ATP2B2: variants seen among roughly 807,000 people sequenced by gnomAD.
The protein encoded by ATP2B2 is plasma membrane calcium-transporting ATPase 2.
ATP2B2 carries 15 observed loss-of-function variants against 120.0 expected under a neutral mutation model. That is an observed-to-expected ratio of 0.12 (90% CI 0.08 to 0.19). The LOEUF (loss-of-function observed/expected upper bound fraction) is 0.19, where lower values mean the gene tolerates loss of function less well. Ranked by LOEUF, ATP2B2 falls within the 10% of genes least tolerant of loss-of-function variation. ATP2B2 has a pLI of 1.00. For synonymous variants in ATP2B2, 694 were observed against 700.3 expected, an observed-to-expected ratio of 0.99 and a Z score of 0.14; for missense variants, 1,045 against 1,719.8, an observed-to-expected ratio of 0.61 and a Z score of 6.94.
At chr3:10,443,009 T>C (rs192305327) in intron 2 of ATP2B2, among the ~76,000 whole-genome samples, 35 of 152,320 alleles carry the variant, frequency 2.3e-4, no homozygotes, top group Admixed American at 2.1e-3. Context: ...GATACCAAGT[T>C]GGCCTCTTCC....
At chr3:10,684,860 T>C (rs891353847) in intron 1 of ATP2B2, among the ~76,000 whole-genome samples, 5 of 152,180 alleles carry the variant, frequency 3.3e-5, no homozygotes, top group African/African-American at 1.2e-4. Flanking sequence ...CTCGAGACAA[T>C]GATAAAATCA....
At chr3:10,501,310 G>A (rs897773920) in intron 1 of ATP2B2, among the ~76,000 whole-genome samples, 3 of 151,672 alleles carry the variant, frequency 2.0e-5, no homozygotes, top group African/African-American at 4.8e-5. Flanking sequence ...GGGTGAAGCC[G>A]AAGCCACACT....
intron 1 of ATP2B2, among the ~76,000 whole-genome samples, chr3:10,458,310 C>T (rs579308): frequency 0.52 from 78,280 of 151,956 alleles, 21,303 homozygotes; most frequent in East Asian, 0.59. Context: ...CAGAGCCCCC[C>T]AGTAACCTCA....
intron 2 of ATP2B2, among the ~76,000 whole-genome samples, chr3:10,569,154 T>C (rs1410717952): frequency 3.9e-5 from 6 of 152,196 alleles, no homozygotes; most frequent in African/African-American, 1.4e-4. Context: ...CAAGTCCTTA[T>C]GTGGCCCCAA....
At chr3:10,583,170 T>C (rs898835226) in intron 2 of ATP2B2, among the ~76,000 whole-genome samples, 6 of 152,192 alleles carry the variant, frequency 3.9e-5, no homozygotes, top group African/African-American at 1.4e-4. Flanking sequence ...GTGCAGCATC[T>C]TGAAGCCCTT....
chr3:10,424,103 G>C (rs1454039276), intron 2 of ATP2B2, among the ~76,000 whole-genome samples: 1 of 152,240 alleles, frequency 6.6e-6, no homozygotes, highest in African/African-American at 2.4e-5. Flanking sequence ...TGGGGCTGCA[G>C]ACAGGCCGGC....
chr3:10,506,128 G>A (rs1219626772), upstream of ATP2B2, among the ~76,000 whole-genome samples: 1 of 152,110 alleles, frequency 6.6e-6, no homozygotes. Flanking sequence ...GGGGCAAAGG[G>A]GCAAAGGTCG....
intron 14 of ATP2B2, among the ~76,000 whole-genome samples, chr3:10,352,975 G>A (rs868785134): frequency 3.9e-5 from 6 of 152,192 alleles, no homozygotes; most frequent in Admixed American, 2.0e-4. Context: ...CCCTAGATCC[G>A]TTCCCAGGTG....
In ATP2B2 at chr3:10,327,618, C is replaced by A. The variant is rs1374143482; in HGVS notation, c.*1196G>T. ...TCTGTACAGACAGTGCCAAAGAGAA[C>A]CTATTTTTGAAATGCTCTTAGTAAA... On this transcript the variant is annotated 3_prime_UTR_variant, in exon 23 of 23. Coordinates refer to ENST00000360273, the MANE Select transcript of ATP2B2 (RefSeq NM_001001331.4). The A allele has an allele frequency of 6.6e-6, 1 of 152,600 alleles. No individual in the cohort carries two copies. The highest frequency in any genetic ancestry group is 6.5e-5 in the Admixed American group (1 of 15,276). 9.5% of individuals were successfully genotyped at this position (152,600 alleles called of 1,614,324 possible).
chr3:10,651,969 T>A (rs920913834), intron 1 of ATP2B2, among the ~76,000 whole-genome samples: 2 of 152,178 alleles, frequency 1.3e-5, no homozygotes, highest in Admixed American at 6.5e-5. Flanking sequence ...TAGAAGAGAA[T>A]GGACTATACC....
At position 10,481,443 on chromosome 3, in the gene ATP2B2, G is replaced by A. The variant is rs544795600; in HGVS notation, c.-320+24022C>T. ...CAGTCCCCCACCTCAGGCAGTGCCC[G>A]CTCAAATGGCACCTCCTCAGAGAGC... On this transcript the variant is annotated intron_variant, in intron 1 of 22. Coordinates refer to ENST00000360273, the MANE Select transcript of ATP2B2 (RefSeq NM_001001331.4). Among the ~76,000 whole-genome samples the A allele has an allele frequency of 3.9e-5, 6 of 152,150 alleles. 1 individual carries two copies. In the South Asian group the frequency reaches 1.0e-3, roughly 26 times the overall value.
chr3:10,666,941 CACTTTAG>C (rs1261849409), intron 1 of ATP2B2, among the ~76,000 whole-genome samples: 1 of 152,226 alleles, frequency 6.6e-6, no homozygotes, highest in African/African-American at 2.4e-5. Context: ...CCAGGCTTCC[CACTTTAG>C]TGGAGTTACC....
At chr3:10,351,122 G>A (rs751588156) in intron 14 of ATP2B2, among the ~76,000 whole-genome samples, 4 of 152,146 alleles carry the variant, frequency 2.6e-5, no homozygotes, top group Non-Finnish European at 2.9e-5. Context: ...GGTAAAATAC[G>A]CCATTTCTCT....
chr3:10,683,744 A>ATG (rs1559520007), intron 1 of ATP2B2, among the ~76,000 whole-genome samples: 10 of 41,420 alleles, frequency 2.4e-4, no homozygotes, highest in African/African-American at 9.6e-4. Flanking sequence ...ATATGTGTAT[A>ATG]TATATGTGTG....
rs755893044 is a variant in ATP2B2, at chr3:10,486,116, T to G, written c.-320+19349A>C. ...ATGCTTCCATCGCACTCATACAACA[T>G]CATTCTGCTGCCCAGGAGGCTTTGT... On this transcript the variant is annotated intron_variant, in intron 1 of 22. Coordinates refer to ENST00000360273, the MANE Select transcript of ATP2B2 (RefSeq NM_001001331.4). Among the ~76,000 whole-genome samples the G allele has an allele frequency of 1.2e-4, 18 of 152,094 alleles. 1 individual carries two copies. Among genetic ancestry groups the G allele is most frequent in the South Asian group, 4.1e-4 (2 of 4,830 alleles).
chr3:10,651,486 C>T (rs573329512), intron 1 of ATP2B2, among the ~76,000 whole-genome samples: 1 of 152,356 alleles, frequency 6.6e-6, no homozygotes, highest in South Asian at 2.1e-4. Context: ...CTTTCACCTT[C>T]CACCATGATT....
chr3:10,679,591 A>C (rs991403748), intron 1 of ATP2B2, among the ~76,000 whole-genome samples: 1 of 152,142 alleles, frequency 6.6e-6, no homozygotes, highest in African/African-American at 2.4e-5. Context: ...AGCAGGAGGG[A>C]AACTCTTGCC....
intron 2 of ATP2B2, among the ~76,000 whole-genome samples, chr3:10,608,710 T>C (rs1255466977): frequency 6.6e-6 from 1 of 152,204 alleles, no homozygotes; most frequent in African/African-American, 2.4e-5. Flanking sequence ...ATCTGTAAAA[T>C]CTTCTCCAGC....
chr3:10,418,591 GC>G (rs1256664671), intron 2 of ATP2B2, among the ~76,000 whole-genome samples: 1 of 152,100 alleles, frequency 6.6e-6, no homozygotes, highest in African/African-American at 2.4e-5. Context: ...CTGTTCTGAG[GC>G]CCCATGGGGC....
Sources: gnomAD v4.1 joint callset for allele counts (sites outside exome capture counted in the v4.1 genomes callset) on GRCh38, gnomAD v4.1.1 for gene constraint, MANE v1.5 for transcripts, NCBI Gene and HGNC (gene_info 2026-07-23, HGNC 2026-07-21) for gene names.